The following SORBS2 variants were observed in gnomAD, a reference collection of about 807,000 sequenced individuals.
SORBS2 encodes sorbin and SH3 domain-containing protein 2.
In SORBS2, 46 loss-of-function variants were observed where a neutral mutation model predicts 97.7. The ratio of observed to expected loss-of-function variants is 0.47; its 90% CI spans 0.37 to 0.60. The LOEUF (loss-of-function observed/expected upper bound fraction) is 0.60, where lower values mean the gene tolerates loss of function less well. Among genes scored for constraint, SORBS2 ranks in the 20% least tolerant of loss-of-function variants. The pLI, the probability that SORBS2 is intolerant of heterozygous loss-of-function variation, is 0.00. For missense variants in SORBS2, 1,316 were observed against 1,282.3 expected (o/e 1.03, Z -0.40); for synonymous variants, 476 against 473.4 (o/e 1.01, Z -0.07).
At chr4:185,659,277 C>T (rs553402660), upstream of SORBS2, among the ~76,000 whole-genome samples, 7 of 152,276 alleles carry the variant, frequency 4.6e-5, no homozygotes, top group Non-Finnish European at 1.0e-4. Flanking sequence ...AGCCTTTCAA[C>T]ACTGAATCAG....
chr4:185,848,527 T>C (rs996348660), intron 1 of SORBS2, among the ~76,000 whole-genome samples: 2 of 151,410 alleles, frequency 1.3e-5, no homozygotes, highest in African/African-American at 4.9e-5. Flanking sequence ...TTTAAAAAAG[T>C]CTTAGAAAAA....
chr4:185,595,243 C>T (rs980024410), intron 12 of SORBS2, among the ~76,000 whole-genome samples: 1 of 152,108 alleles, frequency 6.6e-6, no homozygotes, highest in African/African-American at 2.4e-5. Context: ...AAATTTCACT[C>T]AACAGTCTGT....
At chr4:185,630,790 C>A (rs1398759445) in intron 4 of SORBS2, among the ~76,000 whole-genome samples, 192 bp from the exon 17 acceptor site, 1 of 152,194 alleles carries the variant, frequency 6.6e-6, no homozygotes, top group African/African-American at 2.4e-5. Flanking sequence ...GACCTATCTG[C>A]TTTCCCTTCT....
At position 185,906,616 on chromosome 4, in the gene SORBS2, A is replaced by G. The variant is rs543575772; in HGVS notation, c.-338+49580T>C. 1.2e-4 allele frequency among the ~76,000 whole-genome samples: 18 copies of G among 152,278 alleles called. No homozygotes were observed. The East Asian group carries it at 3.3e-3, about 28-fold the overall frequency. ...AGCTTAAGAAAATACCTAACGCAGC[A>G]CTCTACAATGCAGTGCCCGTGAATG... On this transcript the variant is annotated intron_variant, in intron 1 of 20. Coordinates refer to the SORBS2 transcript ENST00000284776.
intron 1 of SORBS2, among the ~76,000 whole-genome samples, chr4:185,950,792 G>C (rs1551437): frequency 0.18 from 27,019 of 152,018 alleles, 3,022 homozygotes; most frequent in East Asian, 0.58. Context: ...TTTGGAAATC[G>C]CACTATGGCC....
At chr4:185,815,744 CCTAT>C (rs759099555) in intron 1 of SORBS2, among the ~76,000 whole-genome samples, 84 of 152,240 alleles carry the variant, frequency 5.5e-4, no homozygotes, top group Non-Finnish European at 9.3e-4. Context: ...AATCAATCTA[CCTAT>C]CTATCATCTG....
At chr4:185,859,867 A>G (rs1487552216) in intron 1 of SORBS2, among the ~76,000 whole-genome samples, 1 of 152,260 alleles carries the variant, frequency 6.6e-6, no homozygotes, top group Non-Finnish European at 1.5e-5. Context: ...TTCCAAAAGC[A>G]GGTGCTTAGA....
intron 1 of SORBS2, among the ~76,000 whole-genome samples, chr4:185,804,072 G>A (rs900734835): frequency 6.6e-6 from 1 of 152,090 alleles, no homozygotes; most frequent in African/African-American, 2.4e-5. Context: ...AAAAAGTCTC[G>A]ATGACTTAAA....
At chr4:185,913,618 G>A (rs1047623027) in intron 1 of SORBS2, among the ~76,000 whole-genome samples, 52 of 152,248 alleles carry the variant, frequency 3.4e-4, no homozygotes, top group African/African-American at 1.2e-3. Context: ...AATTAAACCA[G>A]ATTCTGAAGA....
At chr4:185,587,570 C>T in exon 15 of SORBS2, 2 of 1,510,540 alleles carry the variant, frequency 1.3e-6, no homozygotes, top group Non-Finnish European at 1.8e-6. Context: ...GTGTTTCAGG[C>T]GCGTTGACGC....
chr4:185,861,336 C>T (rs1281485034), intron 1 of SORBS2, among the ~76,000 whole-genome samples: 18 of 128,358 alleles, frequency 1.4e-4, no homozygotes, highest in African/African-American at 4.6e-4. Flanking sequence ...GTCCATCAGT[C>T]GGGTGGGGGG....
intron 2 of SORBS2, among the ~76,000 whole-genome samples, chr4:185,745,183 G>C (rs1387453427): frequency 6.6e-6 from 1 of 152,184 alleles, no homozygotes; most frequent in Non-Finnish European, 1.5e-5. Flanking sequence ...CAGGGATGGA[G>C]AGGGAGGGAT....
intron 2 of SORBS2, among the ~76,000 whole-genome samples, chr4:185,745,494 C>A (rs545177378): frequency 4.6e-5 from 7 of 152,190 alleles, no homozygotes; most frequent in African/African-American, 1.7e-4. Context: ...ACAGTGGGCT[C>A]CTTCCAACCT....
At chr4:185,841,065 A>G (rs192750111) in intron 1 of SORBS2, among the ~76,000 whole-genome samples, 1 of 149,072 alleles carries the variant, frequency 6.7e-6, no homozygotes, top group African/African-American at 2.6e-5. Context: ...GAGACGAAGC[A>G]AAGCAAAGAG....
chr4:185,652,339 CAG>C (rs559959055), intron 2 of SORBS2, among the ~76,000 whole-genome samples: 169 of 152,304 alleles, frequency 1.1e-3, no homozygotes, highest in African/African-American at 3.7e-3. Context: ...TGAGAGCAGA[CAG>C]GGGTGGACAG....
intron 1 of SORBS2, among the ~76,000 whole-genome samples, chr4:185,830,502 G>C (rs1448203700): frequency 6.6e-6 from 1 of 152,160 alleles, no homozygotes; most frequent in Non-Finnish European, 1.5e-5. Flanking sequence ...GAAGAAGTAG[G>C]AGCATATCTT....
At chr4:185,699,727 G>A (rs2098231929) in intron 2 of SORBS2, among the ~76,000 whole-genome samples, 1 of 152,166 alleles carries the variant, frequency 6.6e-6, no homozygotes, top group Non-Finnish European at 1.5e-5. Flanking sequence ...TTTGATATTT[G>A]TGTTGAACAG....
intron 2 of SORBS2, among the ~76,000 whole-genome samples, chr4:185,752,604 C>T (rs1247997154): frequency 1.3e-5 from 2 of 152,186 alleles, no homozygotes; most frequent in African/African-American, 2.4e-5. Flanking sequence ...AAGATATATT[C>T]AGCTTCATCA....
At chr4:185,897,384 C>T (rs1202768148) in intron 1 of SORBS2, among the ~76,000 whole-genome samples, 1 of 152,158 alleles carries the variant, frequency 6.6e-6, no homozygotes, top group African/African-American at 2.4e-5. Flanking sequence ...TGTCCCCACT[C>T]AGTCTATTCG....
Sources: allele counts gnomAD v4.1 joint callset (sites outside exome capture counted in the v4.1 genomes callset), GRCh38; gene constraint gnomAD v4.1.1; transcripts MANE v1.5; gene names NCBI Gene and HGNC (gene_info 2026-07-23, HGNC 2026-07-21).